ARAP2: variants seen among roughly 807,000 people sequenced by gnomAD.
ARAP2 encodes ArfGAP with RhoGAP domain, ankyrin repeat and PH domain 2.
A neutral mutation model predicts 194.5 loss-of-function variants in ARAP2; 148 were observed. That is an observed-to-expected ratio of 0.76 (90% CI 0.67 to 0.87). The LOEUF (loss-of-function observed/expected upper bound fraction) is 0.87. Among genes scored for constraint, ARAP2 ranks in the 40% least tolerant of loss-of-function variants. The pLI is 0.00. For synonymous variants in ARAP2, 695 were observed against 683.5 expected (o/e 1.02, Z -0.26); for missense variants, 2,128 against 1,989.7 (o/e 1.07, Z -1.32).
At chr4:36,166,844 A>T (rs1007521448) in intron 10 of ARAP2, 88 bp downstream of exon 10, 60 of 661,504 alleles carry the variant, frequency 9.1e-5, no homozygotes, top group Non-Finnish European at 4.7e-6. Flanking sequence ...ATGGCCTACA[A>T]GAGAAAAATC....
At chr4:36,175,439 T>G (rs548792350) in intron 9 of ARAP2, among the ~76,000 whole-genome samples, 1 of 152,166 alleles carries the variant, frequency 6.6e-6, no homozygotes, top group African/African-American at 2.4e-5. Context: ...AAAAGGCACA[T>G]ACCAGGATGC....
chr4:36,222,074 T>C (rs1749297918), intron 2 of ARAP2, among the ~76,000 whole-genome samples: 1 of 152,144 alleles, frequency 6.6e-6, no homozygotes, highest in African/African-American at 2.4e-5. Context: ...AGCATGTTGA[T>C]TTGTGAAAAT....
intron 27 of ARAP2, among the ~76,000 whole-genome samples, chr4:36,105,440 T>C (rs1718127841): frequency 6.6e-6 from 1 of 152,042 alleles, no homozygotes; most frequent in African/African-American, 2.4e-5. Flanking sequence ...TCTCTAGCTT[T>C]TTTTCTACAA....
chr4:36,121,241 G>A lies in ARAP2; in HGVS notation c.3832C>T (p.Gln1278Ter). 1.2e-6 allele frequency: 2 copies of A among 1,607,306 alleles called. No homozygotes were observed. The highest frequency in any genetic ancestry group is 1.7e-6 in the Non-Finnish European group (2 of 1,176,038). ...FSSCLFQTKG[Q>*]TSEEVNVIED... ...ATTACATTCACTTCTTCACTAGTTT[G>A]TCCCTTCGTTTGAAACAAACAGGAT... is the stretch of plus-strand genomic sequence containing the variant. Residue 1278 changes from glutamine to a stop codon, truncating the protein, a stop_gained, in exon 23 of 33, where the codon CAA becomes TAA. Transcript: ENST00000303965. LOFTEE classifies it high-confidence loss of function.
At chr4:36,064,937 AAGG>A (rs2109286975), downstream of ARAP2, 1 of 156,584 alleles carries the variant, frequency 6.4e-6, no homozygotes, top group South Asian at 1.9e-4. Flanking sequence ...GAAGCAGGTA[AAGG>A]GAGATGAGGA....
chr4:36,146,794 A>G (rs753148910), intron 19 of ARAP2, among the ~76,000 whole-genome samples: 1 of 152,054 alleles, frequency 6.6e-6, no homozygotes, highest in East Asian at 1.9e-4. Flanking sequence ...TACATGTTTC[A>G]TGATGGTAGG....
intron 19 of ARAP2, among the ~76,000 whole-genome samples, chr4:36,133,675 C>T (rs1725976155): frequency 6.6e-6 from 1 of 151,694 alleles, no homozygotes. Flanking sequence ...TCACCTGTGA[C>T]TTCTGACGGA....
In ARAP2 at chr4:36,228,646, A is replaced by C; in HGVS notation, c.841T>G (p.Ser281Ala). 6.2e-7 allele frequency: 1 copy of C among 1,614,052 alleles called. No individual in the cohort carries two copies. The highest frequency in any genetic ancestry group is 8.5e-7 in the Non-Finnish European group (1 of 1,179,956). ...ACAGGTCGATGTCTTAGCAGAAAAGATCGAGATGGTCTTGAAACCAACTTG... is the reference window on the plus strand; with the variant it reads ...ACAGGTCGATGTCTTAGCAGAAAAGCTCGAGATGGTCTTGAAACCAACTTG... ...RSKLVSRPSR[S>A]FLLRHRPVPE... Residue 281 changes from serine (S) to alanine (A), a missense_variant, in exon 2 of 33, where the codon TCT becomes GCT. Physicochemically the swap from Ser to Ala is moderately conservative, Grantham distance 99. Transcript: ENST00000303965.
chr4:36,169,339 T>C (rs886345072), intron 9 of ARAP2, among the ~76,000 whole-genome samples: 4 of 152,132 alleles, frequency 2.6e-5, no homozygotes, highest in Admixed American at 2.0e-4. Context: ...CTGACCATCA[T>C]ACTAGCAGAT....
chr4:36,151,221 C>T (rs1730897019), intron 15 of ARAP2, among the ~76,000 whole-genome samples, 177 bp from the exon 16 acceptor site: 1 of 152,042 alleles, frequency 6.6e-6, no homozygotes, highest in Admixed American at 6.6e-5. Context: ...ATTCTCTGCT[C>T]TCCAAAGAAT....
At chr4:36,196,985 GTCTCTT>G (rs888467631) in intron 6 of ARAP2, among the ~76,000 whole-genome samples, 1 of 151,262 alleles carries the variant, frequency 6.6e-6, no homozygotes, top group Non-Finnish European at 1.5e-5. Context: ...GATCATTTAG[GTCTCTT>G]TGTTCTCTTG....
chr4:36,242,652 G>T (rs1277875452), intron 1 of ARAP2, among the ~76,000 whole-genome samples: 1 of 152,146 alleles, frequency 6.6e-6, no homozygotes, highest in Non-Finnish European at 1.5e-5. Context: ...GCATATCCAT[G>T]AGCCTTACAC....
Position 36,160,518 on chromosome 4 carries a change from T to C in ARAP2, c.2383A>G (p.Lys795Glu). 6.4e-7 allele frequency: 1 copy of C among 1,571,058 alleles called. No individual in the cohort carries two copies. Among genetic ancestry groups the C allele is most frequent in the South Asian group, 1.2e-5 (1 of 82,334 alleles). ...AGAGTTTTTCTGAATTTTCCTTCTT[T>C]ATATTTCTGAGTAATAAAGTTTTTT... The part of the protein sequence containing the change: ...KRKNFITQKY[K>E]EGKFRKTLLA... The change falls in exon 13 of 33, where the codon AAA (lysine) becomes GAA (glutamate). Residue 795 changes from lysine to glutamate, a missense_variant. Lys to Glu is a moderately conservative substitution (Grantham distance 56). Transcript: ENST00000303965.
At position 36,147,309 on chromosome 4, in the gene ARAP2, C is replaced by G; in HGVS notation, c.3250G>C (p.Val1084Leu). Reference protein sequence around the residue: ...NGEKLDVLLLVEKGRTLYIHG... With the variant: ...NGEKLDVLLLLEKGRTLYIHG... ...AAAGGCACTTACCTCCCTTTTTCTACCAAGAGTAAAACATCCAGTTTTTCC... is the reference window on the plus strand; with the variant it reads ...AAAGGCACTTACCTCCCTTTTTCTAGCAAGAGTAAAACATCCAGTTTTTCC... Residue 1084 changes from valine to leucine, a missense_variant, in exon 19 of 33, where the codon GTA becomes CTA. Val to Leu is a conservative substitution (Grantham distance 32). Coordinates refer to ENST00000303965, the MANE Select transcript of ARAP2 (RefSeq NM_015230.4). The G allele has an allele frequency of 6.2e-7, 1 of 1,612,740 alleles. No homozygotes were observed. Among genetic ancestry groups the G allele is most frequent in the Non-Finnish European group, 8.5e-7 (1 of 1,179,088 alleles).
chr4:36,176,451 C>G (rs1022533341), intron 9 of ARAP2, among the ~76,000 whole-genome samples: 3 of 152,090 alleles, frequency 2.0e-5, no homozygotes, highest in African/African-American at 7.2e-5. Context: ...GAAACTCAGA[C>G]AGTTTAATGT....
At chr4:36,150,607 C>T (rs1730731834) in intron 16 of ARAP2, among the ~76,000 whole-genome samples, 1 of 151,628 alleles carries the variant, frequency 6.6e-6, no homozygotes, top group Admixed American at 6.6e-5. Context: ...GCCTACTGCA[C>T]TCCAGTCTGG....
chr4:36,128,778 AG>A (rs1724637178), intron 20 of ARAP2, 33 bp from the exon 21 acceptor site: 2 of 1,522,112 alleles, frequency 1.3e-6, no homozygotes, highest in African/African-American at 2.8e-5. Context: ...ATACTTTAAA[AG>A]TCTAAATTCA....
intron 3 of ARAP2, among the ~76,000 whole-genome samples, chr4:36,213,722 C>T (rs1747282148): frequency 6.6e-6 from 1 of 151,946 alleles, no homozygotes; most frequent in Non-Finnish European, 1.5e-5. Flanking sequence ...CTATAACTTA[C>T]AATAAATAAT....
intron 5 of ARAP2, 38 bp from the exon 6 acceptor site, chr4:36,210,781 T>C (rs749709773): frequency 5.0e-6 from 7 of 1,409,702 alleles, no homozygotes; most frequent in Non-Finnish European, 6.7e-6. Flanking sequence ...CAAAGTGCTA[T>C]ATGTGATTTA....
Sources: gnomAD v4.1 joint callset for allele counts (sites outside exome capture counted in the v4.1 genomes callset) on GRCh38, gnomAD v4.1.1 for gene constraint, MANE v1.5 for transcripts, NCBI Gene and HGNC (gene_info 2026-07-23, HGNC 2026-07-21) for gene names.